The following MYRF variants were observed in gnomAD, a reference collection of about 807,000 sequenced individuals.
MYRF encodes the protein myelin regulatory factor, also known as myelin gene regulatory factor.
In MYRF, 16 loss-of-function variants were observed where a neutral mutation model predicts 126.3. The observed-to-expected ratio is 0.13, with a 90% CI of 0.09 to 0.19. The LOEUF (loss-of-function observed/expected upper bound fraction) is 0.19. Among genes scored for constraint, MYRF ranks in the 10% least tolerant of loss-of-function variants. The pLI is 1.00. For missense variants in MYRF, 1,104 were observed against 1,547.0 expected, an observed-to-expected ratio of 0.71 and a Z score of 4.80; for synonymous variants, 608 against 635.3, an observed-to-expected ratio of 0.96 and a Z score of 0.65.
chr11:61,764,236 C>T (rs1167637598), intron 1 of MYRF, among the ~76,000 whole-genome samples: 1 of 152,180 alleles, frequency 6.6e-6, no homozygotes, highest in Non-Finnish European at 1.5e-5. Context: ...TCTTGAAATG[C>T]CGGCTGAGGC....
chr11:61,780,659 C>A, intron 18 of MYRF, 53 bp from the exon 19 acceptor site: 2 of 1,513,626 alleles, frequency 1.3e-6, no homozygotes, highest in Non-Finnish European at 1.8e-6. Context: ...ACTGTGTCTT[C>A]TCTTCTCTTC....
chr11:61,781,495 C>T (rs1231214131), intron 21 of MYRF, 78 bp from the exon 22 acceptor site: 3 of 1,562,868 alleles, frequency 1.9e-6, no homozygotes, highest in Non-Finnish European at 2.6e-6. Context: ...TTCACTCAGT[C>T]TTGTGGGGCC....
chr11:61,762,204 G>A (rs574021022), intron 1 of MYRF, among the ~76,000 whole-genome samples: 3 of 152,310 alleles, frequency 2.0e-5, no homozygotes, highest in Middle Eastern at 3.4e-3. Flanking sequence ...CGGAGAGGAG[G>A]GGAGGCAGGG....
At position 61,779,021 on chromosome 11, in the gene MYRF, C is replaced by T. The variant is rs566381161; in HGVS notation, c.2014-242C>T. ...CAGGGAGTGGGGAGGGCCATTCAGG[C>T]AGGTGGGACAGCCCAGGTGAAGGTG... On this transcript the variant is annotated intron_variant, in intron 14 of 26. Transcript: ENST00000278836. 11 of 658,694 alleles carry T rather than the reference C, an allele frequency of 1.7e-5. No homozygotes were observed. In the East Asian group the frequency reaches 2.3e-4, roughly 14 times the overall value. The allele number at this position is 658,694 out of a possible 1,614,324, so 40.8% of individuals were successfully genotyped here.
Position 61,786,204 on chromosome 11 carries a change from T to C in MYRF, c.*61T>C. On this transcript the variant is annotated 3_prime_UTR_variant, in exon 27 of 27. Transcript: ENST00000278836. The surrounding 1 kb of genome is among the most constrained non-coding windows in gnomAD (Gnocchi z 4.5). ...GGGGTGCCCAGGCACCCCCCAACAC[T>C]GGATGCAATGGTGTTACACTGGAGC... 1 of 1,484,300 alleles carries C rather than the reference T, an allele frequency of 6.7e-7. No individual in the cohort carries two copies. Among genetic ancestry groups the C allele is most frequent in the South Asian group, 1.1e-5 (1 of 88,064 alleles). The allele number at this position is 1,484,300 out of a possible 1,614,324, so 91.9% of individuals were successfully genotyped here. A position where few individuals can be genotyped will look rare whatever the true frequency, so the allele number is the denominator to read the frequency against.
chr11:61,767,075 C>T, intron 3 of MYRF: 1 of 456,704 alleles, frequency 2.2e-6, no homozygotes, highest in Non-Finnish European at 4.4e-6. Flanking sequence ...GCAACAAGGG[C>T]ACAGAGGATG....
chr11:61,785,338 C>A (rs569390862), intron 25 of MYRF: 13 of 167,244 alleles, frequency 7.8e-5, no homozygotes, highest in Non-Finnish European at 1.7e-4. Context: ...CTGCATGCCA[C>A]CCTGTGAGGG....
At chr11:61,755,844 A>C in intron 1 of MYRF, 1 of 460,162 alleles carries the variant, frequency 2.2e-6, no homozygotes, top group Non-Finnish European at 4.3e-6. Context: ...TGGAGGATGG[A>C]GGGAAGTCGC....
In MYRF at chr11:61,770,393, G is replaced by C; in HGVS notation, c.608G>C (p.Arg203Pro). Residue 203 changes from arginine to proline, a missense_variant, in exon 5 of 27, where the codon CGG (arginine) becomes CCG (proline). This residue lies in a region of MYRF where 368 missense variants were observed against 403.9 expected (regional missense o/e 0.91). Transcript: ENST00000278836. ...CCACCTCACTACCCTGTCCTGCAGC[G>C]GGATCTGTACATGAAGGCCGAGCCC... The part of the protein sequence containing the change: ...PPPPHYPVLQ[R>P]DLYMKAEPPI... The C allele has an allele frequency of 1.4e-6, 2 of 1,389,408 alleles. No homozygotes were observed. The highest frequency in any genetic ancestry group is 1.9e-6 in the Non-Finnish European group (2 of 1,041,888). The allele number at this position is 1,389,408 out of a possible 1,614,324, so 86.1% of individuals were successfully genotyped here. A position where few individuals can be genotyped will look rare whatever the true frequency, so the allele number is the denominator to read the frequency against.
At chr11:61,772,071 A>C in intron 7 of MYRF, 119 bp downstream of exon 7, 2 of 1,422,618 alleles carry the variant, frequency 1.4e-6, no homozygotes, top group South Asian at 2.7e-5. Context: ...CAGAAGAGCA[A>C]ACAGGCTCAG....
Position 61,777,745 on chromosome 11 carries a change from C to A in MYRF, c.1803C>A (p.Thr601=), listed in dbSNP as rs2066427148. 1 of 1,551,060 alleles carries A rather than the reference C, an allele frequency of 6.4e-7. No individual in the cohort carries two copies. The highest frequency in any genetic ancestry group is 2.4e-5 in the East Asian group (1 of 40,936). ...CTGGCTCCCCGCAGGTGGACACCAC[C>A]GAGCAATTGAAGAGGATCTCGCGCA... ...AKEHVQEVDT[T]EQLKRISRMR... is the part of the protein sequence containing the mutation. The change falls in exon 13 of 27, where the codon ACC becomes ACA. Residue 601 remains threonine (T), a synonymous_variant. Transcript: ENST00000278836. This position sits in a 1 kb window ranked among gnomAD's most constrained non-coding sequence, Gnocchi z 8.8.
chr11:61,765,559 G>T (rs1185892213), intron 1 of MYRF, 66 bp from the exon 2 acceptor site: 6 of 1,332,254 alleles, frequency 4.5e-6, no homozygotes, highest in Non-Finnish European at 6.3e-6. Context: ...TGGAGGGCTG[G>T]GCCCTGAAGC....
At chr11:61,772,645 G>T (rs893939186) in intron 7 of MYRF, among the ~76,000 whole-genome samples, 1 of 152,344 alleles carries the variant, frequency 6.6e-6, no homozygotes, top group Admixed American at 6.5e-5. Flanking sequence ...GCAGTCGTAT[G>T]GCACTCCAGC....
Position 61,757,479 on chromosome 11 carries a change from T to G in MYRF, c.46+4689T>G. On this transcript the variant is annotated intron_variant, in intron 1 of 26. Transcript: ENST00000278836. The surrounding 1 kb of genome is among the most constrained non-coding windows in gnomAD (Gnocchi z 4.7). ...CTCCATTGGTCCATGGCAGGTGTTC[T>G]GCGCCCTACCTTGAAGATTACTGGT... The G allele has an allele frequency of 2.2e-6, 1 of 456,392 alleles. No homozygotes were observed. The highest frequency in any genetic ancestry group is 4.4e-6 in the Non-Finnish European group (1 of 226,800). The allele number at this position is 456,392 out of a possible 1,614,324, so 28.3% of individuals were successfully genotyped here. A position where few individuals can be genotyped will look rare whatever the true frequency, so the allele number is the denominator to read the frequency against.
Position 61,776,227 on chromosome 11 carries a change from C to T in MYRF, c.1388+95C>T, listed in dbSNP as rs553787888. The T allele has an allele frequency of 2.9e-5, 46 of 1,567,744 alleles. No homozygotes were observed. In the African/African-American group the frequency reaches 3.4e-4, roughly 12 times the overall value. The stretch of plus-strand genomic sequence containing the variant: ...GGGCCAGGGAGGTACCCAGGGTGTC[C>T]GCCTCATGTACGTTGCTGGCCTGGG... On this transcript the variant is annotated intron_variant, in intron 9 of 26. Coordinates refer to ENST00000278836, the MANE Select transcript of MYRF (RefSeq NM_001127392.3). The surrounding 1 kb of genome is among the most constrained non-coding windows in gnomAD (Gnocchi z 4.3).
Position 61,776,645 on chromosome 11 carries a change from TG to T in MYRF, c.1500-138del. The T allele has an allele frequency of 1.3e-6, 1 of 759,392 alleles. No homozygotes were observed. Among genetic ancestry groups the T allele is most frequent in the Non-Finnish European group, 2.1e-6 (1 of 471,764 alleles). The allele number at this position is 759,392 out of a possible 1,614,324, so 47.0% of individuals were successfully genotyped here. Reference sequence around the variant, plus strand: ...AGCCCTGGCTTCTTGCTGTGGGCCCTGGGGAATTTCTGCCCCCTGGTGGAGG... The same window carrying T: ...AGCCCTGGCTTCTTGCTGTGGGCCCTGGGAATTTCTGCCCCCTGGTGGAGG... On this transcript the variant is annotated intron_variant, in intron 10 of 26. Coordinates refer to ENST00000278836, the MANE Select transcript of MYRF (RefSeq NM_001127392.3). The surrounding 1 kb of genome is among the most constrained non-coding windows in gnomAD (Gnocchi z 4.3).
chr11:61,765,947 C>G lies in MYRF; in HGVS notation c.135-11C>G, dbSNP rs1191648887. 10 of 1,491,152 alleles carry G rather than the reference C, an allele frequency of 6.7e-6. 1 individual carries two copies. In the African/African-American group the frequency reaches 8.3e-5, roughly 12 times the overall value. 92.4% of individuals were successfully genotyped at this position (1,491,152 alleles called of 1,614,324 possible). A position where few individuals can be genotyped will look rare whatever the true frequency, so the allele number is the denominator to read the frequency against. On this transcript the variant is annotated splice_polypyrimidine_tract_variant and intron_variant, in intron 2 of 26. Transcript: ENST00000278836. ...TCCTGGCTGGAGCTGAGCCGCCCCC[C>G]TTCCCCGCAGCTGCTTCCCTGACAT...
rs201605632 is a variant in MYRF, at chr11:61,779,882, G to A, written c.2288G>A (p.Arg763His). The change falls in exon 17 of 27, where the codon CGC becomes CAC. Residue 763 changes from arginine to histidine, a missense_variant. Arg to His is a conservative substitution (Grantham distance 29). Around this residue, in one of 10 missense-constraint regions of MYRF, gnomAD observed 323 missense variants for 383.1 expected, o/e 0.84. Coordinates refer to ENST00000278836, the MANE Select transcript of MYRF (RefSeq NM_001127392.3). Reference sequence around the variant, plus strand: ...CCGGACCAGGCCTGCATCAGCCAGCGCTTCCTGCAGGGAACCATCATTGCC... The same window carrying A: ...CCGGACCAGGCCTGCATCAGCCAGCACTTCCTGCAGGGAACCATCATTGCC... Reference protein sequence around the residue: ...VVPDQACISQRFLQGTIIALV... With the variant: ...VVPDQACISQHFLQGTIIALV... 1.7e-5 allele frequency: 28 copies of A among 1,614,190 alleles called. No individual in the cohort carries two copies. The Admixed American group carries it at 3.7e-4, about 21-fold the overall frequency.
intron 7 of MYRF, 34 bp downstream of exon 7, chr11:61,771,986 G>T: frequency 1.2e-6 from 2 of 1,610,762 alleles, no homozygotes; most frequent in Non-Finnish European, 1.7e-6. Flanking sequence ...ACTCCTCCAG[G>T]CCCCCCCACC....
Sources: gnomAD v4.1 joint callset for allele counts (sites outside exome capture counted in the v4.1 genomes callset) on GRCh38, gnomAD v4.1.1 for gene constraint, gnomAD v4.1.1 regional missense constraint, Gnocchi (gnomAD v3.1) non-coding constraint, MANE v1.5 for transcripts, NCBI Gene and HGNC (gene_info 2026-07-23, HGNC 2026-07-21) for gene names.